Variants in CPA6 observed in about 807,000 individuals in gnomAD.
CPA6 encodes the protein carboxypeptidase A6, also known as carboxypeptidase B.
A neutral mutation model predicts 63.3 loss-of-function variants in CPA6; 58 were observed. That is an observed-to-expected ratio of 0.92 (90% CI 0.74 to 1.14). The LOEUF is 1.14. Ranked by LOEUF, CPA6 falls within the 50% of genes most tolerant of loss-of-function variation. The probability of loss-of-function intolerance (pLI) is 0.00; values close to 1 mark genes in which losing one functional copy is unlikely to be tolerated. For synonymous variants in CPA6, 185 were observed against 179.0 expected (o/e 1.03, Z -0.27); for missense variants, 565 against 526.6 (o/e 1.07, Z -0.71).
chr8:67,530,657 G>A (rs1812458999), intron 2 of CPA6, among the ~76,000 whole-genome samples: 1 of 152,200 alleles, frequency 6.6e-6, no homozygotes, highest in Admixed American at 6.5e-5. Context: ...GTGATACGCT[G>A]GCAGTCCTGG....
intron 1 of CPA6, among the ~76,000 whole-genome samples, chr8:67,652,640 C>T (rs1303392714): frequency 4.0e-5 from 6 of 149,512 alleles, no homozygotes; most frequent in African/African-American, 1.5e-4. Flanking sequence ...TGGATATTAG[C>T]CCTTTGTCAG....
intron 2 of CPA6, among the ~76,000 whole-genome samples, chr8:67,590,044 C>T (rs941154058): frequency 2.0e-5 from 3 of 151,634 alleles, no homozygotes; most frequent in African/African-American, 7.3e-5. Flanking sequence ...CCCCACTCCC[C>T]CCACCCCACA....
At chr8:67,675,189 A>G (rs146920520) in intron 1 of CPA6, among the ~76,000 whole-genome samples, 1 of 152,184 alleles carries the variant, frequency 6.6e-6, no homozygotes, top group Non-Finnish European at 1.5e-5. Context: ...TTAAATAAAG[A>G]GTTGAAATTC....
chr8:67,445,379 A>T (rs886177113), intron 8 of CPA6, among the ~76,000 whole-genome samples: 1 of 152,214 alleles, frequency 6.6e-6, no homozygotes, highest in African/African-American at 2.4e-5. Context: ...TGAATAGTAG[A>T]TGGGACTTCT....
intron 1 of CPA6, among the ~76,000 whole-genome samples, chr8:67,725,621 A>G (rs958289345): frequency 2.0e-5 from 3 of 152,146 alleles, no homozygotes; most frequent in Non-Finnish European, 4.4e-5. Flanking sequence ...CGTGGGTTCA[A>G]GAGATCCTCT....
intron 1 of CPA6, among the ~76,000 whole-genome samples, chr8:67,728,906 C>T (rs1307673873): frequency 3.3e-5 from 5 of 152,112 alleles, no homozygotes; most frequent in African/African-American, 1.2e-4. Flanking sequence ...GTAGAGGTGA[C>T]CCCAGCAGAT....
In CPA6 at chr8:67,428,031, T is replaced by C; in HGVS notation, c.1126+16A>G. The C allele has an allele frequency of 6.4e-7, 1 of 1,551,176 alleles. No homozygotes were observed. Among genetic ancestry groups the C allele is most frequent in the Non-Finnish European group, 8.9e-7 (1 of 1,123,774 alleles). On this transcript the variant is annotated intron_variant, in intron 10 of 10. Transcript: ENST00000297770. Reference sequence around the variant, plus strand: ...CAAGAGAGAGGATTCTAACACAATGTACGCAGGAAACTTACACAACGTTGT... The same window carrying C: ...CAAGAGAGAGGATTCTAACACAATGCACGCAGGAAACTTACACAACGTTGT...
intron 2 of CPA6, among the ~76,000 whole-genome samples, chr8:67,577,200 C>T (rs1452599757): frequency 6.6e-6 from 1 of 152,136 alleles, no homozygotes; most frequent in Non-Finnish European, 1.5e-5. Context: ...TAATTATATC[C>T]CAAATTCCAC....
chr8:67,682,902 G>A (rs1311000979), intron 1 of CPA6, among the ~76,000 whole-genome samples: 1 of 152,174 alleles, frequency 6.6e-6, no homozygotes, highest in Non-Finnish European at 1.5e-5. Context: ...CTTGCTGCAG[G>A]TTTGGGTTCT....
At chr8:67,673,714 A>C (rs553761668) in intron 1 of CPA6, among the ~76,000 whole-genome samples, 70 of 152,184 alleles carry the variant, frequency 4.6e-4, no homozygotes, top group African/African-American at 1.6e-3. Context: ...TTTTATCCAC[A>C]GACTATAATA....
rs185316076 is a variant in CPA6 at position 67,496,497 on chromosome 8, G to A, written c.636+10290C>T. Among the ~76,000 whole-genome samples, 175 of 134,448 alleles carry A rather than the reference G, an allele frequency of 1.3e-3. 1 individual carries two copies. The highest frequency in any genetic ancestry group is 4.7e-3 in the African/African-American group (165 of 34,822). The allele number at this position is 134,448 out of a possible 152,430, so 88.2% of individuals were successfully genotyped here. ...TGTTTTAGTATATTTACAGAGTTGTGCAACCATCACCACTATATAGTTTAT... is the reference window on the plus strand; with the variant it reads ...TGTTTTAGTATATTTACAGAGTTGTACAACCATCACCACTATATAGTTTAT... On this transcript the variant is annotated intron_variant, in intron 6 of 10. Transcript: ENST00000297770.
At chr8:67,679,878 T>A (rs1435697282) in intron 1 of CPA6, among the ~76,000 whole-genome samples, 1 of 152,188 alleles carries the variant, frequency 6.6e-6, no homozygotes. Flanking sequence ...TGCAGCATGT[T>A]GTTACCTGGC....
intron 1 of CPA6, among the ~76,000 whole-genome samples, chr8:67,643,056 A>T (rs1241712535): frequency 6.6e-6 from 1 of 152,220 alleles, no homozygotes; most frequent in African/African-American, 2.4e-5. Flanking sequence ...TAAGCAGAAG[A>T]TTAGTATCAA....
At chr8:67,603,433 T>C (rs1362250944) in intron 2 of CPA6, among the ~76,000 whole-genome samples, 1 of 152,210 alleles carries the variant, frequency 6.6e-6, no homozygotes. Context: ...ATTATATTTC[T>C]TTCAGGGTTA....
chr8:67,597,051 A>C (rs1450247208), intron 2 of CPA6, among the ~76,000 whole-genome samples: 1 of 152,160 alleles, frequency 6.6e-6, no homozygotes, highest in African/African-American at 2.4e-5. Context: ...CTCCACTAAA[A>C]TTTATTATTT....
chr8:67,718,856 A>G (rs909093810), intron 1 of CPA6, among the ~76,000 whole-genome samples: 1 of 152,108 alleles, frequency 6.6e-6, no homozygotes, highest in Non-Finnish European at 1.5e-5. Context: ...CATGTTGGCT[A>G]GGATGGTCTC....
intron 8 of CPA6, among the ~76,000 whole-genome samples, chr8:67,454,904 T>C (rs1442463843): frequency 1.3e-5 from 2 of 151,984 alleles, no homozygotes; most frequent in Admixed American, 1.3e-4. Context: ...AACAAGACAA[T>C]GCCGGATATA....
chr8:67,576,248 C>T lies in CPA6; in HGVS notation c.192+47928G>A, dbSNP rs1033595782. On this transcript the variant is annotated intron_variant, in intron 2 of 10. Transcript: ENST00000297770. ...GATAAGTTTATTAGCTTCACTTAAC[C>T]ATTCCATTGTATTAAAAAAATCCTA... is the stretch of plus-strand genomic sequence containing the variant. Among the ~76,000 whole-genome samples the T allele has an allele frequency of 3.9e-5, 6 of 152,224 alleles. No homozygotes were observed. The East Asian group carries it at 1.2e-3, about 29-fold the overall frequency.
intron 1 of CPA6, among the ~76,000 whole-genome samples, chr8:67,660,670 G>T (rs571516079): frequency 9.8e-4 from 149 of 151,944 alleles, no homozygotes; most frequent in African/African-American, 3.5e-3. Context: ...GAATTGTAAG[G>T]GTGCTTTCCA....
Sources: allele counts gnomAD v4.1 joint callset (sites outside exome capture counted in the v4.1 genomes callset), GRCh38; gene constraint gnomAD v4.1.1; transcripts MANE v1.5; gene names NCBI Gene and HGNC (gene_info 2026-07-23, HGNC 2026-07-21).